Variants in TMPRSS9 observed in about 807,000 individuals in gnomAD.
TMPRSS9 encodes the protein transmembrane protease serine 9.
A neutral mutation model predicts 111.4 loss-of-function variants in TMPRSS9; 113 were observed. The ratio of observed to expected loss-of-function variants is 1.01; its 90% CI spans 0.87 to 1.19. The LOEUF is 1.19. Ranked by LOEUF, TMPRSS9 falls within the 50% of genes most tolerant of loss-of-function variation. The probability of loss-of-function intolerance (pLI) is 0.00; values close to 1 mark genes in which losing one functional copy is unlikely to be tolerated. For synonymous variants in TMPRSS9, 805 were observed against 659.1 expected, an observed-to-expected ratio of 1.22 and a Z score of -3.39; for missense variants, 1,803 against 1,513.1, an observed-to-expected ratio of 1.19 and a Z score of -3.18.
rs764617540 is a variant in TMPRSS9, at chr19:2,396,495, C to T, written c.143-44C>T. The T allele has an allele frequency of 1.4e-5, 21 of 1,542,770 alleles. No homozygotes were observed. The Admixed American group carries it at 1.5e-4, about 11-fold the overall frequency. On this transcript the variant is annotated intron_variant, in intron 1 of 17. Transcript: ENST00000648592. ...GGTGGCAGCTCAGCGGAGCCCTGAG[C>T]CCCCAAAGGTGGGCTCTCTCACGGG... is the stretch of plus-strand genomic sequence containing the variant.
chr19:2,426,079 C>A, exon 18 of TMPRSS9: 1 of 1,605,278 alleles, frequency 6.2e-7, no homozygotes, highest in Non-Finnish European at 8.5e-7. Flanking sequence ...GACAGCACAT[C>A]CAGGAGTGAC....
At chr19:2,413,189 T>C (rs1003088882) in intron 9 of TMPRSS9, among the ~76,000 whole-genome samples, 1 of 152,002 alleles carries the variant, frequency 6.6e-6, no homozygotes, top group Non-Finnish European at 1.5e-5. Context: ...AGCAAAACTC[T>C]ATCTCAAAAA....
exon 8 of TMPRSS9, chr19:2,408,611 C>T: frequency 6.2e-7 from 1 of 1,612,552 alleles, no homozygotes; most frequent in Non-Finnish European, 8.5e-7. Context: ...CAGGCTGGGG[C>T]TACCTCAAGG....
intron 12 of TMPRSS9, 134 bp from the exon 14 acceptor site, chr19:2,417,868 C>A: frequency 1.6e-6 from 2 of 1,254,798 alleles, no homozygotes; most frequent in Non-Finnish European, 2.2e-6. Context: ...TTGTGAGATT[C>A]CTGCAACTCT....
chr19:2,364,224 C>T (rs1054067552), intron 1 of TMPRSS9, among the ~76,000 whole-genome samples: 4 of 148,178 alleles, frequency 2.7e-5, no homozygotes, highest in Non-Finnish European at 3.0e-5. Context: ...GAATGAAAGA[C>T]GCATAAATAG....
At chr19:2,376,965 C>T (rs1970340089) in intron 1 of TMPRSS9, among the ~76,000 whole-genome samples, 1 of 151,990 alleles carries the variant, frequency 6.6e-6, no homozygotes, top group African/African-American at 2.4e-5. Context: ...CAGAGGCACA[C>T]CAGCGCGTGT....
chr19:2,396,586 C>T (rs940382148), exon 2 of TMPRSS9: 13 of 1,611,224 alleles, frequency 8.1e-6, no homozygotes, highest in East Asian at 4.5e-5. Context: ...GGCCGAGCTG[C>T]GGGGAATCCG....
intron 1 of TMPRSS9, among the ~76,000 whole-genome samples, chr19:2,382,724 GATAC>G (rs200413391): frequency 0.014 from 2,115 of 151,050 alleles, 55 homozygotes; most frequent in African/African-American, 0.046. Flanking sequence ...CATGCACACA[GATAC>G]ATACGCACAA....
intron 1 of TMPRSS9, among the ~76,000 whole-genome samples, chr19:2,379,615 C>CTCTTTCTTTCTTTCTTTCTT (rs34251969): frequency 0.01 from 1,195 of 118,586 alleles, 26 homozygotes; most frequent in East Asian, 0.023. Flanking sequence ...AACTTTCTTT[C>CTCTTTCTTTCTTTCTTTCTT]TCTTTCTTTC....
intron 17 of TMPRSS9, 183 bp downstream of exon 18, chr19:2,425,676 C>A: frequency 7.9e-7 from 1 of 1,261,198 alleles, no homozygotes; most frequent in Non-Finnish European, 1.0e-6. Flanking sequence ...TTGGGCAACC[C>A]ACCGCATCCC....
At chr19:2,416,361 G>A (rs1971230378) in intron 11 of TMPRSS9, 177 bp from the exon 13 acceptor site, 2 of 792,852 alleles carry the variant, frequency 2.5e-6, no homozygotes, top group African/African-American at 3.5e-5. Flanking sequence ...CTTTTCAGGA[G>A]GAGCCCAGCA....
chr19:2,407,379 A>T (rs1970988914), intron 7 of TMPRSS9, among the ~76,000 whole-genome samples: 1 of 151,484 alleles, frequency 6.6e-6, no homozygotes, highest in South Asian at 2.1e-4. Flanking sequence ...CAAAAAAATT[A>T]GTCGGGCATA....
chr19:2,393,578 G>GA (rs763824960), intron 1 of TMPRSS9, among the ~76,000 whole-genome samples: 39 of 152,090 alleles, frequency 2.6e-4, no homozygotes, highest in Non-Finnish European at 4.1e-4. Flanking sequence ...GTAACATGGG[G>GA]AAACCCTGTC....
intron 14 of TMPRSS9, 62 bp downstream of exon 15, chr19:2,422,309 G>A: frequency 1.4e-6 from 2 of 1,466,858 alleles, no homozygotes; most frequent in Non-Finnish European, 1.8e-6. Context: ...AGCCTGGGCT[G>A]CCTAACAAGA....
intron 1 of TMPRSS9, among the ~76,000 whole-genome samples, chr19:2,394,043 T>C (rs1400018589): frequency 6.6e-6 from 1 of 151,478 alleles, no homozygotes; most frequent in African/African-American, 2.4e-5. Flanking sequence ...TCTACTAAAA[T>C]ACAAAAAACA....
intron 14 of TMPRSS9, among the ~76,000 whole-genome samples, chr19:2,423,670 C>T (rs1202061651): frequency 6.6e-6 from 1 of 152,106 alleles, no homozygotes; most frequent in Non-Finnish European, 1.5e-5. Flanking sequence ...GGCCTTTGCG[C>T]TTGGCACCGT....
chr19:2,408,562 C>T, exon 8 of TMPRSS9: 1 of 1,613,588 alleles, frequency 6.2e-7, no homozygotes, highest in Non-Finnish European at 8.5e-7. Flanking sequence ...CTCCCGGCTG[C>T]CACACACATC....
exon 16 of TMPRSS9, chr19:2,425,199 A>AGCCCGC: frequency 6.6e-7 from 1 of 1,517,518 alleles, no homozygotes; most frequent in Non-Finnish European, 8.8e-7. Context: ...TGCCTGCCCG[A>AGCCCGC]GCCCGCGCCG....
intron 1 of TMPRSS9, among the ~76,000 whole-genome samples, chr19:2,367,967 T>G (rs894866519): frequency 1.3e-4 from 20 of 152,176 alleles, no homozygotes; most frequent in African/African-American, 4.8e-4. Context: ...TGCCTCAGCT[T>G]CCCAAAATGT....
Sources: gnomAD v4.1 joint callset for allele counts (sites outside exome capture counted in the v4.1 genomes callset) on GRCh38, gnomAD v4.1.1 for gene constraint, MANE v1.5 for transcripts, NCBI Gene and HGNC (gene_info 2026-07-23, HGNC 2026-07-21) for gene names.